The following THEM4 variants were observed in gnomAD, a reference collection of about 807,000 sequenced individuals.
THEM4 encodes the protein acyl-coenzyme A thioesterase THEM4.
In THEM4, 22 loss-of-function variants were observed where a neutral mutation model predicts 25.0. That is an observed-to-expected ratio of 0.88 (90% CI 0.63 to 1.26). The LOEUF is 1.26. Among genes scored for constraint, THEM4 ranks in the 50% most tolerant of loss-of-function variants. The pLI is 0.00. For missense variants in THEM4, 286 were observed against 300.3 expected (o/e 0.95, Z 0.35); for synonymous variants, 113 against 105.6 (o/e 1.07, Z -0.43).
chr1:151,895,622 T>C (rs10788816), intron 1 of THEM4, among the ~76,000 whole-genome samples: 138,319 of 151,208 alleles, frequency 0.91, 63,271 homozygotes, highest in East Asian at 0.95. Flanking sequence ...AGGAAGGGGT[T>C]CTTTGACTTG....
At chr1:151,884,981 C>A (rs1016042853) in intron 4 of THEM4, among the ~76,000 whole-genome samples, 3 of 152,068 alleles carry the variant, frequency 2.0e-5, no homozygotes, top group African/African-American at 7.2e-5. Context: ...GCCACCATGC[C>A]CGGCCTACAA....
chr1:151,884,955 G>A (rs10788815), intron 4 of THEM4, among the ~76,000 whole-genome samples: 35,565 of 151,722 alleles, frequency 0.23, 4,510 homozygotes, highest in Admixed American at 0.39. Flanking sequence ...CCAAAATGTT[G>A]GGATTACAGG....
intron 2 of THEM4, among the ~76,000 whole-genome samples, chr1:151,892,227 A>C (rs1654109968): frequency 6.6e-6 from 1 of 152,166 alleles, no homozygotes. Flanking sequence ...GTAGGAATGG[A>C]ACCCTGGAAA....
chr1:151,906,564 A>G (rs940336498), intron 1 of THEM4, among the ~76,000 whole-genome samples: 2 of 152,250 alleles, frequency 1.3e-5, no homozygotes, highest in African/African-American at 2.4e-5. Flanking sequence ...CTGCAGCCCC[A>G]GTGCGAGATC....
At chr1:151,908,275 A>G (rs956013602) in intron 1 of THEM4, among the ~76,000 whole-genome samples, 3 of 152,202 alleles carry the variant, frequency 2.0e-5, no homozygotes, top group Admixed American at 1.3e-4. Flanking sequence ...GCTGTAGCCA[A>G]TCTGTGTGTT....
intron 1 of THEM4, among the ~76,000 whole-genome samples, chr1:151,902,733 T>C (rs748091626): frequency 3.9e-5 from 6 of 152,174 alleles, no homozygotes; most frequent in Non-Finnish European, 5.9e-5. Flanking sequence ...ACACCTGCAG[T>C]CCCAGAACTT....
chr1:151,893,799 G>A (rs995532988), intron 2 of THEM4, among the ~76,000 whole-genome samples: 1 of 152,002 alleles, frequency 6.6e-6, no homozygotes, highest in Non-Finnish European at 1.5e-5. Flanking sequence ...GGAGGAGAGT[G>A]AATAAACTAG....
chr1:151,877,234 C>T, intron 4 of THEM4, 109 bp from the exon 5 acceptor site: 4 of 1,152,118 alleles, frequency 3.5e-6, no homozygotes, highest in Non-Finnish European at 4.8e-6. Context: ...CACCTGACAA[C>T]AATGAGCACT....
rs149600918 is a variant in THEM4, at chr1:151,877,262, C to T, written c.558-137G>A. On this transcript the variant is annotated intron_variant, in intron 4 of 5. Coordinates refer to ENST00000368814, the MANE Select transcript of THEM4 (RefSeq NM_053055.5). ...TGAGCACTGACTGCCTTAGACAATA[C>T]ATTCCTCAAGGACTCTGACACCAAC... 5.6e-5 allele frequency: 49 copies of T among 870,030 alleles called. No homozygotes were observed. In the African/African-American group the frequency reaches 7.9e-4, roughly 14 times the overall value. 53.9% of individuals were successfully genotyped at this position (870,030 alleles called of 1,614,324 possible). A position where few individuals can be genotyped will look rare whatever the true frequency, so the allele number is the denominator to read the frequency against.
intron 1 of THEM4, among the ~76,000 whole-genome samples, chr1:151,904,880 A>C (rs184102129): frequency 2.6e-5 from 4 of 152,296 alleles, no homozygotes; most frequent in Admixed American, 2.6e-4. Flanking sequence ...AGAAAACAGG[A>C]GTGTAACTAT....
At chr1:151,906,469 C>T (rs1029276151) in intron 1 of THEM4, among the ~76,000 whole-genome samples, 4 of 152,122 alleles carry the variant, frequency 2.6e-5, no homozygotes, top group Non-Finnish European at 5.9e-5. Flanking sequence ...GAGTGCTGCC[C>T]CCTGCTCCAC....
intron 1 of THEM4, among the ~76,000 whole-genome samples, chr1:151,901,023 C>G (rs895294683): frequency 6.6e-6 from 1 of 152,226 alleles, no homozygotes; most frequent in Non-Finnish European, 1.5e-5. Flanking sequence ...AGAGCCCATC[C>G]CTTTGTTTTG....
intron 4 of THEM4, among the ~76,000 whole-genome samples, chr1:151,886,359 A>G (rs1271346912): frequency 6.6e-6 from 1 of 152,216 alleles, no homozygotes; most frequent in Non-Finnish European, 1.5e-5. Context: ...TTAAGACACA[A>G]ACACTTTTTG....
chr1:151,877,114 A>G lies in THEM4; in HGVS notation c.569T>C (p.Leu190Pro). ...LNINYKRPIP[L>P]CSVVMINSQL... ...GCTATTTATCATAACAACAGAACAA[A>G]GAGGGATAGGTCTGCAGAATAAAAT... is the stretch of plus-strand genomic sequence containing the variant. Residue 190 changes from leucine (L) to proline (P), a missense_variant, in exon 5 of 6, where the codon CTT (leucine) becomes CCT (proline). By Grantham distance (98) the Leu-to-Pro change is moderately conservative. Transcript: ENST00000368814. 1 of 1,611,930 alleles carries G rather than the reference A, an allele frequency of 6.2e-7. No individual in the cohort carries two copies. The highest frequency in any genetic ancestry group is 8.5e-7 in the Non-Finnish European group (1 of 1,179,446).
At position 151,882,299 on chromosome 1, in the gene THEM4, G is replaced by A. The variant is rs143817432; in HGVS notation, c.558-5174C>T. On this transcript the variant is annotated intron_variant, in intron 4 of 5. Coordinates refer to ENST00000368814, the MANE Select transcript of THEM4 (RefSeq NM_053055.5). ...GCTGAGGCAGGAGAATCGCTTGAAC[G>A]CAGGAGGCGGAGGTTGGAATGAGCC... Among the ~76,000 whole-genome samples the A allele has an allele frequency of 7.7e-3, 1,156 of 150,692 alleles. 19 individuals carry two copies. The highest frequency in any genetic ancestry group is 0.026 in the African/African-American group (1,076 of 40,936).
chr1:151,901,098 T>A (rs1014570990), intron 1 of THEM4, among the ~76,000 whole-genome samples: 3 of 152,254 alleles, frequency 2.0e-5, no homozygotes, highest in African/African-American at 7.2e-5. Flanking sequence ...AAACAATGTT[T>A]ATCACTGGCT....
chr1:151,879,661 T>C (rs1371850902), intron 4 of THEM4, among the ~76,000 whole-genome samples: 2 of 146,662 alleles, frequency 1.4e-5, no homozygotes, highest in Non-Finnish European at 3.0e-5. Flanking sequence ...TTTCTTTTCT[T>C]TTTTTTTTTT....
At chr1:151,904,004 A>T (rs1313293004) in intron 1 of THEM4, among the ~76,000 whole-genome samples, 1 of 152,228 alleles carries the variant, frequency 6.6e-6, no homozygotes, top group Non-Finnish European at 1.5e-5. Flanking sequence ...GCAGCCTTGG[A>T]TGTGAAAAAT....
Position 151,874,156 on chromosome 1 carries a change from G to C in THEM4, c.*732C>G, listed in dbSNP as rs1480584719. ...TGTGCTTCCTACACTGACCAAAAAA[G>C]ATTCATGTGTTCAGATACAACAAAG... On this transcript the variant is annotated 3_prime_UTR_variant, in exon 6 of 6. Coordinates refer to ENST00000368814, the MANE Select transcript of THEM4 (RefSeq NM_053055.5). The C allele has an allele frequency of 6.6e-6, 1 of 152,234 alleles. No individual in the cohort carries two copies. The highest frequency in any genetic ancestry group is 2.4e-5 in the African/African-American group (1 of 41,456). The allele number at this position is 152,234 out of a possible 1,614,324, so 9.4% of individuals were successfully genotyped here. A position where few individuals can be genotyped will look rare whatever the true frequency, so the allele number is the denominator to read the frequency against.
Sources: allele counts gnomAD v4.1 joint callset (sites outside exome capture counted in the v4.1 genomes callset), GRCh38; gene constraint gnomAD v4.1.1; transcripts MANE v1.5; gene names NCBI Gene and HGNC (gene_info 2026-07-23, HGNC 2026-07-21).